TANGO6: variants seen among roughly 807,000 people sequenced by gnomAD.
TANGO6 encodes transport and golgi organization 6 homolog, also known as transport and Golgi organization protein 6 homolog.
In TANGO6, 90 loss-of-function variants were observed where a neutral mutation model predicts 114.2. The observed-to-expected ratio is 0.79, with a 90% CI of 0.66 to 0.94. The LOEUF (loss-of-function observed/expected upper bound fraction) is 0.94. Ranked by LOEUF, TANGO6 falls within the 40% of genes least tolerant of loss-of-function variation. The pLI is 0.00. For missense variants in TANGO6, 1,274 were observed against 1,315.3 expected (o/e 0.97, Z 0.49); for synonymous variants, 477 against 509.8 (o/e 0.94, Z 0.87).
chr16:69,019,747 A>G (rs1335123394), intron 15 of TANGO6, among the ~76,000 whole-genome samples: 1 of 152,144 alleles, frequency 6.6e-6, no homozygotes, highest in East Asian at 1.9e-4. Flanking sequence ...TATGTTGCCC[A>G]GGCTGGTCTC....
intron 11 of TANGO6, among the ~76,000 whole-genome samples, chr16:68,910,552 T>C (rs1962908405): frequency 6.6e-6 from 1 of 152,182 alleles, no homozygotes; most frequent in Admixed American, 6.5e-5. Flanking sequence ...GGTAGAAAAA[T>C]GATTTGTCCC....
chr16:68,977,947 C>T (rs762196186), intron 15 of TANGO6, among the ~76,000 whole-genome samples: 2 of 152,022 alleles, frequency 1.3e-5, no homozygotes, highest in Non-Finnish European at 2.9e-5. Flanking sequence ...TGGCCTCCCA[C>T]AGTGCTTGAA....
intron 4 of TANGO6, among the ~76,000 whole-genome samples, chr16:68,872,419 A>G (rs1962286586): frequency 6.6e-6 from 1 of 151,000 alleles, no homozygotes; most frequent in African/African-American, 2.4e-5. Flanking sequence ...CTCCTGCCTC[A>G]GCCTCCCAAG....
intron 17 of TANGO6, among the ~76,000 whole-genome samples, chr16:69,075,693 A>G (rs570319020): frequency 6.6e-6 from 1 of 150,952 alleles, no homozygotes; most frequent in Non-Finnish European, 1.5e-5. Context: ...GGGTCAGGCA[A>G]TCCTCCTGCC....
intron 1 of TANGO6, among the ~76,000 whole-genome samples, chr16:68,858,656 T>A (rs1215597560): frequency 6.6e-6 from 1 of 152,044 alleles, no homozygotes; most frequent in African/African-American, 2.4e-5. Context: ...ATTTTTTTTT[T>A]AATGTTTTTA....
chr16:68,905,883 A>G (rs1261343675), intron 9 of TANGO6, among the ~76,000 whole-genome samples: 1 of 152,114 alleles, frequency 6.6e-6, no homozygotes. Context: ...AAAATTAAAA[A>G]AGAACAAAAC....
chr16:68,878,425 A>G lies in TANGO6; in HGVS notation c.1294+145A>G, dbSNP rs1412412219. 28 of 1,017,752 alleles carry G rather than the reference A, an allele frequency of 2.8e-5. No individual in the cohort carries two copies. The South Asian group carries it at 5.0e-4, about 18-fold the overall frequency. 63.0% of individuals were successfully genotyped at this position (1,017,752 alleles called of 1,614,324 possible). On this transcript the variant is annotated intron_variant, in intron 6 of 17. Coordinates refer to ENST00000261778, the MANE Select transcript of TANGO6 (RefSeq NM_024562.2). ...ACTTTTTATTTTGACAAATTCACTT[A>G]CAAGTTTCAAGAAGAGTATATTGAA...
Position 68,909,132 on chromosome 16 carries a change from A to G in TANGO6, c.1801-79A>G, listed in dbSNP as rs565116988. On this transcript the variant is annotated intron_variant, in intron 10 of 17. Coordinates refer to ENST00000261778, the MANE Select transcript of TANGO6 (RefSeq NM_024562.2). ...ATTTATTTAAACATGCAGTTCAAAC[A>G]GAGTTTTCTGCTTATGTTTGAGAAG... is the stretch of plus-strand genomic sequence containing the variant. The G allele has an allele frequency of 3.0e-5, 36 of 1,184,632 alleles. No homozygotes were observed. The African/African-American group carries it at 5.5e-4, about 18-fold the overall frequency. The allele number at this position is 1,184,632 out of a possible 1,614,324, so 73.4% of individuals were successfully genotyped here.
intron 7 of TANGO6, among the ~76,000 whole-genome samples, chr16:68,898,909 C>T (rs1962745074): frequency 6.6e-6 from 1 of 151,354 alleles, no homozygotes. Flanking sequence ...TTTTGAATAA[C>T]ATTTTTGTAC....
intron 16 of TANGO6, chr16:69,025,770 C>G (rs62055832): frequency 1.3e-5 from 2 of 156,410 alleles, no homozygotes; most frequent in African/African-American, 4.9e-5. Context: ...TTGCACCTGG[C>G]CTTTTTTTTT....
At chr16:68,937,845 G>A (rs903870612) in intron 14 of TANGO6, 1 of 152,096 alleles carries the variant, frequency 6.6e-6, no homozygotes, top group African/African-American at 2.4e-5. Context: ...AGGCGCATTC[G>A]GGGTGGTATC....
chr16:68,962,007 T>C (rs1963597475), intron 14 of TANGO6, among the ~76,000 whole-genome samples: 1 of 152,234 alleles, frequency 6.6e-6, no homozygotes, highest in Admixed American at 6.5e-5. Context: ...TGAATCTTTA[T>C]AAATTTGTTG....
intron 5 of TANGO6, 51 bp from the exon 6 acceptor site, chr16:68,878,067 G>A (rs780386361): frequency 9.2e-6 from 14 of 1,523,256 alleles, no homozygotes; most frequent in Non-Finnish European, 1.8e-6. Context: ...TTTAGTTACT[G>A]TCATATTCCT....
At chr16:68,962,557 G>A (rs1045449320) in intron 14 of TANGO6, among the ~76,000 whole-genome samples, 2 of 152,054 alleles carry the variant, frequency 1.3e-5, no homozygotes, top group Non-Finnish European at 2.9e-5. Context: ...CCTGAGGTCG[G>A]GAATTCAAGA....
At position 68,958,505 on chromosome 16, in the gene TANGO6, A is replaced by AAAAAG. The variant is rs1555525468; in HGVS notation, c.2702-15522_2702-15521insAAAGA. Among the ~76,000 whole-genome samples the AAAAAG allele has an allele frequency of 1.3e-3, 196 of 146,172 alleles. 2 individuals carry two copies. Among genetic ancestry groups the AAAAAG allele is most frequent in the African/African-American group, 4.7e-3 (178 of 38,228 alleles). On this transcript the variant is annotated intron_variant, in intron 14 of 17. Transcript: ENST00000261778. ...ACTCTGTCTCAAAAAAAAAAAAAAA[A>AAAAAG]AGAGAGAGGAAGGAAGGAAGCAGGG...
chr16:69,034,726 G>A (rs189228362), intron 16 of TANGO6: 2 of 152,290 alleles, frequency 1.3e-5, no homozygotes, highest in South Asian at 2.1e-4. Flanking sequence ...TTTGGGCACT[G>A]TCTGCTATGA....
intron 17 of TANGO6, among the ~76,000 whole-genome samples, chr16:69,076,047 G>A (rs1272867337): frequency 6.7e-6 from 1 of 149,274 alleles, no homozygotes; most frequent in African/African-American, 2.5e-5. Context: ...ACAGGCGTGA[G>A]CCACCGCGCC....
chr16:69,022,801 G>T, intron 15 of TANGO6, 27 bp from the exon 16 acceptor site: 1 of 1,554,568 alleles, frequency 6.4e-7, no homozygotes, highest in Non-Finnish European at 8.7e-7. Context: ...GTTTTAAGGG[G>T]TTTTGATTTC....
intron 11 of TANGO6, among the ~76,000 whole-genome samples, chr16:68,914,788 T>G (rs959731771): frequency 1.3e-5 from 2 of 151,806 alleles, no homozygotes; most frequent in African/African-American, 4.8e-5. Context: ...TAGGGGGTTT[T>G]GGGGTTAACA....
Sources: allele counts gnomAD v4.1 joint callset (sites outside exome capture counted in the v4.1 genomes callset), GRCh38; gene constraint gnomAD v4.1.1; transcripts MANE v1.5; gene names NCBI Gene and HGNC (gene_info 2026-07-23, HGNC 2026-07-21).